Variants in NBAS observed in about 807,000 individuals in gnomAD.
NBAS encodes NBAS subunit of NRZ tethering complex.
NBAS carries 219 observed loss-of-function variants against 302.5 expected under a neutral mutation model. The observed-to-expected ratio is 0.72, with a 90% CI of 0.65 to 0.81. The LOEUF (loss-of-function observed/expected upper bound fraction) is 0.81. NBAS is among the 30% of genes least tolerant of loss of function. NBAS has a pLI of 0.00. For synonymous variants in NBAS, 1,118 were observed against 1,021.6 expected (o/e 1.09, Z -1.80); for missense variants, 2,932 against 2,841.6 (o/e 1.03, Z -0.72).
chr2:15,102,832 G>A, the NBAS span, among the ~76,000 whole-genome samples: 2 of 152,126 alleles, frequency 1.3e-5, no homozygotes, highest in African/African-American at 4.8e-5. Context: ...TACTTGGAGA[G>A]AGCAAAAGAA....
chr2:15,034,223 G>GGAAAGAAAGAAAGAAAGAAA, the NBAS span, among the ~76,000 whole-genome samples: 1 of 20,168 alleles, frequency 5.0e-5, no homozygotes. Flanking sequence ...AGAAAGAGAG[G>GGAAAGAAAGAAAGAAAGAAA]GAAAGAAAGA....
At position 15,232,499 on chromosome 2, in the gene NBAS, A is replaced by G. The variant is rs1458585666; in HGVS notation, c.6159T>C (p.Ala2053=). ...KIISALSGGS[A]DLGGPRDPLK... ...GTGGGTCCCTTGGCCCACCAAGGTCAGCACTGCCACCACTGTGAAAAGAGA... is the reference window on the plus strand; with the variant it reads ...GTGGGTCCCTTGGCCCACCAAGGTCGGCACTGCCACCACTGTGAAAAGAGA... The change falls in exon 47 of 52, where the codon GCT becomes GCC. Residue 2053 remains alanine, a synonymous_variant. Coordinates refer to ENST00000281513, the MANE Select transcript of NBAS (RefSeq NM_015909.4). 4 of 1,613,804 alleles carry G rather than the reference A, an allele frequency of 2.5e-6. No homozygotes were observed. In the South Asian group the frequency reaches 3.3e-5, roughly 13 times the overall value.
chr2:14,794,044 A>G, the NBAS span, among the ~76,000 whole-genome samples: 1 of 152,304 alleles, frequency 6.6e-6, no homozygotes, highest in Admixed American at 6.5e-5. Flanking sequence ...ACTCTTAAAG[A>G]CTGCCTAAAA....
intron 16 of NBAS, among the ~76,000 whole-genome samples, chr2:15,470,764 G>C (rs1236853266): frequency 6.6e-6 from 1 of 151,960 alleles, no homozygotes; most frequent in Non-Finnish European, 1.5e-5. Flanking sequence ...TATACGGCCA[G>C]TTATTTTTAA....
intron 21 of NBAS, among the ~76,000 whole-genome samples, chr2:15,439,876 T>C (rs1378981155): frequency 6.6e-6 from 1 of 152,070 alleles, no homozygotes; most frequent in Non-Finnish European, 1.5e-5. Flanking sequence ...GCTCGGAGGG[T>C]CCTACGTCCA....
intron 34 of NBAS, among the ~76,000 whole-genome samples, chr2:15,352,498 A>G (rs183713883): frequency 1.8e-3 from 268 of 152,298 alleles, no homozygotes; most frequent in African/African-American, 6.2e-3. Flanking sequence ...AAGAGGCCCA[A>G]GGGAGGGATT....
chr2:15,500,058 C>A (rs2148628908), intron 11 of NBAS, among the ~76,000 whole-genome samples: 1 of 152,282 alleles, frequency 6.6e-6, no homozygotes, highest in Middle Eastern at 3.4e-3. Flanking sequence ...TACTTTCTCT[C>A]AAACATTGCA....
intron 40 of NBAS, among the ~76,000 whole-genome samples, chr2:15,305,538 G>C (rs944804923): frequency 7.1e-6 from 1 of 141,772 alleles, no homozygotes; most frequent in South Asian, 2.5e-4. Flanking sequence ...TGCAACCTCC[G>C]CCTCCCAGAT....
chr2:15,417,446 C>T (rs558593436), intron 24 of NBAS, 81 bp downstream of exon 24: 2 of 1,217,260 alleles, frequency 1.6e-6, no homozygotes, highest in Admixed American at 2.1e-5. Context: ...AACATTTCAT[C>T]TTTGGTTTGA....
intron 48 of NBAS, among the ~76,000 whole-genome samples, chr2:15,202,399 A>AG (rs1665919533): frequency 6.6e-6 from 1 of 152,252 alleles, no homozygotes; most frequent in Admixed American, 6.5e-5. Context: ...AAAACATGTA[A>AG]GGGGAAATAT....
the NBAS span, among the ~76,000 whole-genome samples, chr2:14,908,295 G>A: frequency 5.3e-5 from 8 of 152,274 alleles, no homozygotes; most frequent in Admixed American, 2.0e-4. Context: ...CCCGGGAGGC[G>A]GAGCTTGCAG....
chr2:14,978,029 T>G, the NBAS span, among the ~76,000 whole-genome samples: 1 of 152,190 alleles, frequency 6.6e-6, no homozygotes, highest in Non-Finnish European at 1.5e-5. Context: ...CTCCTATTTT[T>G]CTACCAGACA....
chr2:14,854,392 C>T, the NBAS span, among the ~76,000 whole-genome samples: 1 of 151,872 alleles, frequency 6.6e-6, no homozygotes, highest in Non-Finnish European at 1.5e-5. Context: ...TGCCATCAAC[C>T]CTCTCCCCAT....
chr2:15,421,343 A>C (rs1487635323), intron 23 of NBAS, among the ~76,000 whole-genome samples: 3 of 152,190 alleles, frequency 2.0e-5, no homozygotes, highest in Non-Finnish European at 4.4e-5. Flanking sequence ...TACTTACTAA[A>C]GTATAAGTGT....
intron 24 of NBAS, 78 bp downstream of exon 24, chr2:15,417,449 T>C: frequency 8.1e-7 from 1 of 1,231,400 alleles, no homozygotes; most frequent in African/African-American, 1.5e-5. Flanking sequence ...ATTTCATCTT[T>C]GGTTTGAGAC....
At chr2:15,110,122 G>C in the NBAS span, among the ~76,000 whole-genome samples, 2 of 152,062 alleles carry the variant, frequency 1.3e-5, no homozygotes, top group African/African-American at 4.8e-5. Context: ...GAGTGGCCAA[G>C]GGAAGCTGCA....
the NBAS span, among the ~76,000 whole-genome samples, chr2:15,157,178 G>C: frequency 1.3e-5 from 2 of 152,092 alleles, no homozygotes; most frequent in South Asian, 4.1e-4. Context: ...TCAGCTGTCT[G>C]ATGGCGAGGT....
At chr2:15,396,563 A>T (rs1675877309) in intron 26 of NBAS, 88 bp from the exon 27 acceptor site, 1 of 881,420 alleles carries the variant, frequency 1.1e-6, no homozygotes, top group African/African-American at 1.7e-5. Flanking sequence ...AGTGAAAAAA[A>T]GATGTTTCTT....
At chr2:15,091,828 C>T in the NBAS span, among the ~76,000 whole-genome samples, 1 of 152,230 alleles carries the variant, frequency 6.6e-6, no homozygotes, top group African/African-American at 2.4e-5. Context: ...CTACCGCACC[C>T]AGCCTCCTTG....
Sources: allele counts gnomAD v4.1 joint callset (sites outside exome capture counted in the v4.1 genomes callset), GRCh38; gene constraint gnomAD v4.1.1; transcripts MANE v1.5; gene names NCBI Gene and HGNC (gene_info 2026-07-23, HGNC 2026-07-21).